LPAR6: variants seen among roughly 807,000 people sequenced by gnomAD.
LPAR6 encodes lysophosphatidic acid receptor 6.
Under a neutral mutation model 22.0 loss-of-function variants are expected in LPAR6, and 17 were observed. That is an observed-to-expected ratio of 0.77 (90% CI 0.53 to 1.16). LPAR6 has a LOEUF of 1.16. LPAR6 is among the 50% of genes most tolerant of loss of function. LPAR6 has a pLI of 0.00. For synonymous variants in LPAR6, 136 were observed against 139.8 expected (o/e 0.97, Z 0.19); for missense variants, 384 against 406.9 (o/e 0.94, Z 0.48).
intron 1 of LPAR6, among the ~76,000 whole-genome samples, chr13:48,432,587 C>T (rs927449718): frequency 5.3e-5 from 8 of 152,074 alleles, no homozygotes; most frequent in African/African-American, 1.9e-4. Flanking sequence ...ATGTCTTTTA[C>T]TCTTTAATGC....
intron 1 of LPAR6, among the ~76,000 whole-genome samples, chr13:48,403,592 A>T (rs1948713142): frequency 6.6e-6 from 1 of 152,166 alleles, no homozygotes; most frequent in Admixed American, 6.5e-5. Context: ...GGCAATAATC[A>T]GGAAGGTTTT....
upstream of LPAR6, among the ~76,000 whole-genome samples, chr13:48,416,723 G>A (rs1409354039): frequency 6.6e-6 from 1 of 152,200 alleles, no homozygotes; most frequent in East Asian, 1.9e-4. Flanking sequence ...GTCTGAAGTC[G>A]ACCTGGGATG....
At position 48,412,185 on chromosome 13, in the gene LPAR6, C is replaced by T. The variant is rs763565378; in HGVS notation, c.239G>A (p.Arg80Gln). 8 of 1,613,758 alleles carry T rather than the reference C, an allele frequency of 5.0e-6. No individual in the cohort carries two copies. The South Asian group carries it at 5.5e-5, about 11-fold the overall frequency. Residue 80 changes from arginine to glutamine, a missense_variant, in exon 1 of 1, where the codon CGG becomes CAG. Arg to Gln is a conservative substitution (Grantham distance 43). Transcript: ENST00000620633. ...AAGTAAATCTCCAAATGGCCAATTC[C>T]GTGTTGTGAAGTAAAAAATCCTGAA... is the stretch of plus-strand genomic sequence containing the variant. ...LPFRIFYFTT[R>Q]NWPFGDLLCK...
At position 48,403,347 on chromosome 13, in the gene LPAR6, GAC is replaced by G. The variant is rs1948710496; in HGVS notation, n.114+12351_114+12352del. Among the ~76,000 whole-genome samples, 5 of 152,092 alleles carry G rather than the reference GAC, an allele frequency of 3.3e-5. No homozygotes were observed. In the South Asian group the frequency reaches 1.0e-3, roughly 32 times the overall value. ...CAAACCCTACAGAAGTGACAAAAAA[GAC>G]ACATATCACAGGGGAGTGAAACCCA... On this transcript the variant is annotated intron_variant and non_coding_transcript_variant, in intron 1 of 1. Transcript: ENST00000462781.
chr13:48,442,946 C>G (rs1055040660), intron 1 of LPAR6, among the ~76,000 whole-genome samples: 2 of 152,036 alleles, frequency 1.3e-5, no homozygotes, highest in Non-Finnish European at 2.9e-5. Flanking sequence ...TTTTTGAAAT[C>G]AGACCTAATC....
intron 1 of LPAR6, among the ~76,000 whole-genome samples, chr13:48,440,844 A>C (rs1358218388): frequency 6.6e-6 from 1 of 152,242 alleles, no homozygotes; most frequent in African/African-American, 2.4e-5. Flanking sequence ...CATAGTTATC[A>C]GAGAAAACAA....
chr13:48,395,255 A>G (rs55761026), intron 1 of LPAR6, among the ~76,000 whole-genome samples: 68,685 of 152,098 alleles, frequency 0.45, 19,044 homozygotes, highest in Middle Eastern at 0.6. Flanking sequence ...CATCAACATC[A>G]AAGACCAAAG....
rs1948832733 is a variant in LPAR6, at chr13:48,412,435, G to A, written c.-12C>T. 2 of 1,604,996 alleles carry A rather than the reference G, an allele frequency of 1.2e-6. No homozygotes were observed. Among genetic ancestry groups the A allele is most frequent in the Admixed American group, 1.7e-5 (1 of 59,974 alleles). On this transcript the variant is annotated 5_prime_UTR_variant, in exon 1 of 1. The change creates a new upstream start codon in the 5' untranslated region. Coordinates refer to ENST00000620633, the MANE Select transcript of LPAR6 (RefSeq NM_001162498.3). ...TTAACGCTTACCATCGTAAAGGCAC[G>A]TCCAATTTTCAGTTTGGAAGCACTT...
At chr13:48,405,767 C>T (rs568259316) in intron 1 of LPAR6, among the ~76,000 whole-genome samples, 1 of 152,238 alleles carries the variant, frequency 6.6e-6, no homozygotes, top group African/African-American at 2.4e-5. Context: ...CTTTGATATT[C>T]CTTCTATCCC....
chr13:48,391,463 A>C (rs2138159878), intron 1 of LPAR6: 1 of 151,880 alleles, frequency 6.6e-6, no homozygotes, highest in African/African-American at 2.4e-5. Flanking sequence ...CTGACTGTAA[A>C]ACTTTTTTTG....
intron 1 of LPAR6, among the ~76,000 whole-genome samples, chr13:48,403,995 T>C (rs1035531421): frequency 2.6e-5 from 4 of 152,088 alleles, no homozygotes; most frequent in Non-Finnish European, 5.9e-5. Context: ...AATGAGACAC[T>C]GTCTCAAAGA....
intron 1 of LPAR6, among the ~76,000 whole-genome samples, chr13:48,405,312 G>A (rs561413405): frequency 6.6e-6 from 1 of 152,246 alleles, no homozygotes; most frequent in South Asian, 2.1e-4. Flanking sequence ...GATAAATCAA[G>A]TAATAAGAGT....
At chr13:48,437,920 G>C (rs1268775007) in intron 1 of LPAR6, among the ~76,000 whole-genome samples, 1 of 152,132 alleles carries the variant, frequency 6.6e-6, no homozygotes, top group African/African-American at 2.4e-5. Flanking sequence ...TTATGACTTA[G>C]TGTCAATTAG....
intron 1 of LPAR6, chr13:48,391,612 G>A (rs1948611369): frequency 1.3e-5 from 2 of 151,976 alleles, no homozygotes; most frequent in Non-Finnish European, 1.5e-5. Context: ...CAAACAAAAA[G>A]CATTTCTATT....
At chr13:48,432,702 G>A (rs546149289) in intron 1 of LPAR6, among the ~76,000 whole-genome samples, 1 of 152,072 alleles carries the variant, frequency 6.6e-6, no homozygotes, top group African/African-American at 2.4e-5. Context: ...TGTCTTCCTT[G>A]ACTTCTGTCA....
chr13:48,403,357 A>G (rs567991601), intron 1 of LPAR6, among the ~76,000 whole-genome samples: 1 of 152,310 alleles, frequency 6.6e-6, no homozygotes, highest in Admixed American at 6.5e-5. Flanking sequence ...GACACATATC[A>G]CAGGGGAGTG....
chr13:48,426,170 AAG>A (rs1389767380), intron 1 of LPAR6, among the ~76,000 whole-genome samples: 1 of 152,190 alleles, frequency 6.6e-6, no homozygotes, highest in African/African-American at 2.4e-5. Context: ...TGACCTTATG[AAG>A]AGTTTTCAGA....
At chr13:48,420,306 T>C (rs1194566023) in intron 2 of LPAR6, among the ~76,000 whole-genome samples, 1 of 152,224 alleles carries the variant, frequency 6.6e-6, no homozygotes, top group African/African-American at 2.4e-5. Flanking sequence ...TGTCAATAGA[T>C]GCAGAAAAGG....
intron 1 of LPAR6, chr13:48,439,787 A>G (rs1291012578): frequency 3.3e-5 from 5 of 152,178 alleles, no homozygotes; most frequent in Non-Finnish European, 7.4e-5. Flanking sequence ...GCTTTGGGGA[A>G]GGTTTGAAAG....
Sources: allele counts gnomAD v4.1 joint callset (sites outside exome capture counted in the v4.1 genomes callset), GRCh38; gene constraint gnomAD v4.1.1; transcripts MANE v1.5; gene names NCBI Gene and HGNC (gene_info 2026-07-23, HGNC 2026-07-21).